Variants in LPP observed in about 807,000 individuals in gnomAD.
The protein encoded by LPP is lipoma-preferred partner.
LPP carries 38 observed loss-of-function variants against 60.4 expected under a neutral mutation model. The ratio of observed to expected loss-of-function variants is 0.63; its 90% CI spans 0.49 to 0.83. The LOEUF is 0.83. Among genes scored for constraint, LPP ranks in the 40% least tolerant of loss-of-function variants. The pLI is 0.00. For missense variants in LPP, 902 were observed against 783.6 expected (o/e 1.15, Z -1.80); for synonymous variants, 328 against 290.8 (o/e 1.13, Z -1.30).
chr3:188,170,226 A>T (rs180874784), intron 1 of LPP, among the ~76,000 whole-genome samples: 1 of 152,236 alleles, frequency 6.6e-6, no homozygotes, highest in East Asian at 1.9e-4. Context: ...TTGTTGATTC[A>T]CGTCTGTAAG....
At chr3:188,451,910 C>T (rs1002786705) in intron 4 of LPP, among the ~76,000 whole-genome samples, 1 of 152,114 alleles carries the variant, frequency 6.6e-6, no homozygotes, top group Non-Finnish European at 1.5e-5. Context: ...GGAGTGCTTA[C>T]TATGCTCTAG....
chr3:188,200,765 A>C (rs1278243542), intron 1 of LPP, among the ~76,000 whole-genome samples: 1 of 152,064 alleles, frequency 6.6e-6, no homozygotes, highest in Non-Finnish European at 1.5e-5. Context: ...GCAGAAAGGC[A>C]CTCTAGCTGG....
At chr3:188,592,557 G>GTTTGTTTGTTTTTTTTTTTTTTTTTTTTT (rs1260656926) in intron 6 of LPP, among the ~76,000 whole-genome samples, 15 of 85,752 alleles carry the variant, frequency 1.7e-4, no homozygotes, top group South Asian at 1.1e-3. Context: ...TTTTGTTTTT[G>GTTTGTTTGTTTTTTTTTTTTTTTTTTTTT]TTTTTTAAAT....
intron 2 of LPP, among the ~76,000 whole-genome samples, chr3:188,329,995 A>G (rs1425987863): frequency 1.3e-5 from 2 of 152,232 alleles, no homozygotes; most frequent in Non-Finnish European, 1.5e-5. Flanking sequence ...TTGCTCCCCA[A>G]TTATTCTCTA....
intron 5 of LPP, among the ~76,000 whole-genome samples, chr3:188,500,394 G>A (rs1053039875): frequency 1.3e-5 from 2 of 151,850 alleles, no homozygotes; most frequent in Admixed American, 1.3e-4. Flanking sequence ...ACCTTGATTT[G>A]TTTGTTGAGT....
intron 4 of LPP, among the ~76,000 whole-genome samples, chr3:188,452,485 T>G (rs1443582640): frequency 1.3e-5 from 2 of 152,160 alleles, no homozygotes; most frequent in African/African-American, 4.8e-5. Flanking sequence ...CCTTAAGAAT[T>G]TATTATTGTT....
At chr3:188,302,421 C>G (rs1032057715) in intron 2 of LPP, among the ~76,000 whole-genome samples, 2 of 152,168 alleles carry the variant, frequency 1.3e-5, no homozygotes, top group Non-Finnish European at 2.9e-5. Context: ...GAAAAGGATC[C>G]TGCAAATAGC....
chr3:188,295,792 G>T (rs1007464376), intron 2 of LPP, among the ~76,000 whole-genome samples: 2 of 152,158 alleles, frequency 1.3e-5, no homozygotes, highest in Non-Finnish European at 2.9e-5. Flanking sequence ...CTCCCAAAGC[G>T]CTTGGATTAT....
chr3:188,730,382 C>T (rs1719999100), intron 8 of LPP, among the ~76,000 whole-genome samples: 1 of 152,188 alleles, frequency 6.6e-6, no homozygotes, highest in South Asian at 2.1e-4. Context: ...TCCATTAACT[C>T]TGGAAACCTT....
chr3:188,743,484 A>G (rs978230176), intron 8 of LPP, among the ~76,000 whole-genome samples: 10 of 152,052 alleles, frequency 6.6e-5, no homozygotes, highest in African/African-American at 2.4e-4. Context: ...AGCCAGGAAC[A>G]CCAGCCAAGC....
At chr3:188,196,789 T>C (rs1020383523) in intron 1 of LPP, among the ~76,000 whole-genome samples, 1 of 152,160 alleles carries the variant, frequency 6.6e-6, no homozygotes, top group East Asian at 1.9e-4. Flanking sequence ...ATCTCACTAA[T>C]CTCCAAGATG....
intron 2 of LPP, among the ~76,000 whole-genome samples, chr3:188,229,276 T>C (rs145540201): frequency 1.3e-5 from 2 of 152,280 alleles, no homozygotes; most frequent in African/African-American, 2.4e-5. Flanking sequence ...CTTTGTTAGA[T>C]TAGATAATCA....
chr3:188,695,934 G>A (rs758213179), intron 7 of LPP, among the ~76,000 whole-genome samples: 4 of 152,168 alleles, frequency 2.6e-5, no homozygotes, highest in Admixed American at 6.6e-5. Context: ...GGAATCAAAA[G>A]ACTCCTGCCT....
chr3:188,567,633 A>G lies in LPP; in HGVS notation c.430-41528A>G, dbSNP rs577589432. On this transcript the variant is annotated intron_variant, in intron 6 of 11. Transcript: ENST00000617246. ...CCTGAATACCATATTTGTGGTATGTAAAATATTTGTCTCCAATTTCACTGG... is the reference window on the plus strand; with the variant it reads ...CCTGAATACCATATTTGTGGTATGTGAAATATTTGTCTCCAATTTCACTGG... Among the ~76,000 whole-genome samples the G allele has an allele frequency of 3.6e-4, 55 of 152,090 alleles. 1 individual carries two copies. The highest frequency in any genetic ancestry group is 6.9e-4 in the Non-Finnish European group (47 of 67,912).
intron 4 of LPP, among the ~76,000 whole-genome samples, chr3:188,422,912 TTTGTGTGTGTGTGTGTG>T (rs1203316150): frequency 5.2e-5 from 7 of 135,552 alleles, no homozygotes; most frequent in Admixed American, 7.9e-5. Context: ...TGGTGTCTTC[TTTGTGTGTGTGTGTGTG>T]TGTGTGTGTG....
intron 3 of LPP, among the ~76,000 whole-genome samples, chr3:188,376,790 C>T (rs1014423393): frequency 1.3e-5 from 2 of 152,186 alleles, no homozygotes; most frequent in African/African-American, 4.8e-5. Flanking sequence ...GATGCAGTTT[C>T]TTCCTAGCCT....
At chr3:188,360,803 A>G (rs956628717) in intron 3 of LPP, among the ~76,000 whole-genome samples, 1 of 152,198 alleles carries the variant, frequency 6.6e-6, no homozygotes, top group Non-Finnish European at 1.5e-5. Flanking sequence ...CCTGAATCAC[A>G]TCTTGCCATA....
intron 9 of LPP, among the ~76,000 whole-genome samples, chr3:188,863,745 C>G (rs970924804): frequency 6.6e-6 from 1 of 152,078 alleles, no homozygotes; most frequent in Non-Finnish European, 1.5e-5. Flanking sequence ...ACATTTTATA[C>G]TTTTTTTCCT....
chr3:188,549,326 T>A (rs1259733058), intron 6 of LPP, among the ~76,000 whole-genome samples: 2 of 152,186 alleles, frequency 1.3e-5, no homozygotes, highest in African/African-American at 4.8e-5. Context: ...TCTGTGTTAT[T>A]TAAAAATTTG....
Sources: gnomAD v4.1 joint callset for allele counts (sites outside exome capture counted in the v4.1 genomes callset) on GRCh38, gnomAD v4.1.1 for gene constraint, MANE v1.5 for transcripts, NCBI Gene and HGNC (gene_info 2026-07-23, HGNC 2026-07-21) for gene names.